Variants in CATSPERE observed in about 807,000 individuals in gnomAD.
The protein encoded by CATSPERE is cation channel sperm-associated auxiliary subunit epsilon.
In CATSPERE, 93 loss-of-function variants were observed where a neutral mutation model predicts 114.1. The observed-to-expected ratio is 0.81, with a 90% CI of 0.69 to 0.97. The LOEUF (loss-of-function observed/expected upper bound fraction) is 0.97. Ranked by LOEUF, CATSPERE falls within the 50% of genes least tolerant of loss-of-function variation. The pLI is 0.00. For synonymous variants in CATSPERE, 341 were observed against 384.1 expected (o/e 0.89, Z 1.31); for missense variants, 1,058 against 1,131.6 (o/e 0.93, Z 0.93).
Position 244,572,342 on chromosome 1 carries a change from A to C in CATSPERE, c.1520A>C (p.Asp507Ala), listed in dbSNP as rs1188991262. The C allele has an allele frequency of 3.5e-6, 5 of 1,415,794 alleles. No homozygotes were observed. Among genetic ancestry groups the C allele is most frequent in the Non-Finnish European group, 4.9e-6 (5 of 1,020,810 alleles). The allele number at this position is 1,415,794 out of a possible 1,614,324, so 87.7% of individuals were successfully genotyped here. A position where few individuals can be genotyped will look rare whatever the true frequency, so the allele number is the denominator to read the frequency against. Reference sequence around the variant, plus strand: ...CTCTTTTTTCCAGATTATTATGGAGATATTTTGGTAAAAATGGAAAATAAT... The same window carrying C: ...CTCTTTTTTCCAGATTATTATGGAGCTATTTTGGTAAAAATGGAAAATAAT... ...IHEVFIDYYGDILVKMENNVI... is the reference protein window; with the variant it reads ...IHEVFIDYYGAILVKMENNVI... Residue 507 changes from aspartate to alanine, a missense_variant, in exon 11 of 22, where the codon GAT (aspartate) becomes GCT (alanine). This residue lies in a region of CATSPERE where 787 missense variants were observed against 905.6 expected (regional missense o/e 0.87). Coordinates refer to ENST00000366534, the MANE Select transcript of CATSPERE (RefSeq NM_001130957.2).
intron 15 of CATSPERE, among the ~76,000 whole-genome samples, chr1:244,593,071 A>G (rs142242989): frequency 6.6e-6 from 1 of 152,348 alleles, no homozygotes; most frequent in East Asian, 1.9e-4. Flanking sequence ...TCTGGGAAGA[A>G]CTGTACTGGA....
intron 17 of CATSPERE, among the ~76,000 whole-genome samples, chr1:244,603,396 G>T (rs559385182): frequency 1.3e-5 from 2 of 152,278 alleles, no homozygotes; most frequent in South Asian, 4.1e-4. Flanking sequence ...GTTACAAATT[G>T]CAAGGAAGAG....
intron 7 of CATSPERE, among the ~76,000 whole-genome samples, chr1:244,500,833 G>A (rs1558382190): frequency 6.6e-6 from 1 of 152,116 alleles, no homozygotes; most frequent in Non-Finnish European, 1.5e-5. Flanking sequence ...TTCAGGCTCT[G>A]TTTTGGTTCC....
At position 244,490,470 on chromosome 1, in the gene CATSPERE, AG is replaced by A. The variant is rs544313360; in HGVS notation, c.351+1del. 2.2e-4 allele frequency: 333 copies of A among 1,523,782 alleles called. No individual in the cohort carries two copies. Among genetic ancestry groups the A allele is most frequent in the Non-Finnish European group, 2.8e-4 (313 of 1,102,814 alleles). The allele number at this position is 1,523,782 out of a possible 1,614,324, so 94.4% of individuals were successfully genotyped here. A position where few individuals can be genotyped will look rare whatever the true frequency, so the allele number is the denominator to read the frequency against. ...RVRHFFNNFT[Q>X]LITVWAYDPE... ...AGACATTTCTTTAACAACTTTACCC[AG>A]GTAAAATATTTTTTAAATTTTGTAT... On this transcript the variant is annotated frameshift_variant and splice_region_variant, in exon 6 of 22. Coordinates refer to ENST00000366534, the MANE Select transcript of CATSPERE (RefSeq NM_001130957.2). LOFTEE classifies it high-confidence loss of function.
chr1:244,538,186 A>T (rs1680660767), intron 8 of CATSPERE, among the ~76,000 whole-genome samples: 1 of 152,214 alleles, frequency 6.6e-6, no homozygotes, highest in Admixed American at 6.5e-5. Context: ...TTCAAAAGAA[A>T]AAAAGTTACA....
chr1:244,588,156 T>C (rs983825772), intron 13 of CATSPERE, among the ~76,000 whole-genome samples: 1 of 141,080 alleles, frequency 7.1e-6, no homozygotes, highest in Admixed American at 7.7e-5. Context: ...ATCGCACCAC[T>C]GCACTCCAGC....
chr1:244,573,009 T>C lies in CATSPERE; in HGVS notation c.1950+237T>C, dbSNP rs1387238754. The stretch of plus-strand genomic sequence containing the variant: ...CATTCCTTCAAAACTCATTGTCAAT[T>C]GTATTGTTCACTTCTTCTTCTTTTT... On this transcript the variant is annotated intron_variant, in intron 11 of 21. Transcript: ENST00000366534. The surrounding 1 kb of genome is among the most constrained non-coding windows in gnomAD (Gnocchi z 4.0). Among the ~76,000 whole-genome samples, 1 of 152,078 alleles carries C rather than the reference T, an allele frequency of 6.6e-6. No homozygotes were observed. The highest frequency in any genetic ancestry group is 1.5e-5 in the Non-Finnish European group (1 of 68,008).
At position 244,633,483 on chromosome 1, in the gene CATSPERE, C is replaced by G. The variant is rs1674224025; in HGVS notation, c.2649-2006C>G. On this transcript the variant is annotated intron_variant, in intron 20 of 21. Transcript: ENST00000366534. The surrounding 1 kb of genome is among the most constrained non-coding windows in gnomAD (Gnocchi z 4.1). ...TCCATATGGCCCACTTACATCTAATCTATTCCAAATCACTTTACAAACTGC... is the reference window on the plus strand; with the variant it reads ...TCCATATGGCCCACTTACATCTAATGTATTCCAAATCACTTTACAAACTGC... Among the ~76,000 whole-genome samples, 1 of 152,200 alleles carries G rather than the reference C, an allele frequency of 6.6e-6. No homozygotes were observed. The highest frequency in any genetic ancestry group is 1.5e-5 in the Non-Finnish European group (1 of 68,048).
At chr1:244,596,370 G>A (rs929762319) in intron 17 of CATSPERE, among the ~76,000 whole-genome samples, 6 of 152,250 alleles carry the variant, frequency 3.9e-5, no homozygotes, top group African/African-American at 1.2e-4. Flanking sequence ...GCCCTGCTCC[G>A]TCTACAGAGC....
rs1350684697 is a variant in CATSPERE, at chr1:244,568,415, G to A, written c.1508-3915G>A. Among the ~76,000 whole-genome samples the A allele has an allele frequency of 1.3e-5, 2 of 152,236 alleles. No individual in the cohort carries two copies. Among genetic ancestry groups the A allele is most frequent in the Admixed American group, 6.5e-5 (1 of 15,288 alleles). ...TTCTTCAGAGCTGGCTCACAGGAAC[G>A]TTTAAGTCTGCTGAAGCTGCGCCCA... On this transcript the variant is annotated intron_variant, in intron 10 of 21. Transcript: ENST00000366534. This position sits in a 1 kb window ranked among gnomAD's most constrained non-coding sequence, Gnocchi z 4.4.
At chr1:244,516,703 G>A (rs781032898) in intron 7 of CATSPERE, among the ~76,000 whole-genome samples, 25 of 151,146 alleles carry the variant, frequency 1.7e-4, no homozygotes, top group Non-Finnish European at 4.4e-5. Flanking sequence ...TGTATTTTTA[G>A]TAGAGACAGA....
chr1:244,488,508 A>G (rs1671433904), intron 5 of CATSPERE, among the ~76,000 whole-genome samples: 1 of 152,232 alleles, frequency 6.6e-6, no homozygotes, highest in African/African-American at 2.4e-5. Context: ...AAAACTGATA[A>G]AGACCCAGAA....
intron 7 of CATSPERE, among the ~76,000 whole-genome samples, chr1:244,510,868 A>T (rs1675633218): frequency 1.3e-5 from 1 of 76,058 alleles, no homozygotes; most frequent in Non-Finnish European, 2.6e-5. Flanking sequence ...TTTGAGACAG[A>T]ATTTCGTTCT....
chr1:244,570,902 A>G (rs559189656), intron 10 of CATSPERE, among the ~76,000 whole-genome samples: 1 of 152,334 alleles, frequency 6.6e-6, no homozygotes, highest in East Asian at 1.9e-4. Context: ...AGAACATGGC[A>G]AGTTTGGGGA....
chr1:244,457,396 A>C (rs1013168002), upstream of CATSPERE: 8 of 152,244 alleles, frequency 5.3e-5, no homozygotes, highest in African/African-American at 1.9e-4. Context: ...AGCATTAAAG[A>C]TGCACATGAA....
chr1:244,491,008 G>A (rs1032650050), intron 6 of CATSPERE, among the ~76,000 whole-genome samples: 3 of 151,882 alleles, frequency 2.0e-5, no homozygotes, highest in Non-Finnish European at 4.4e-5. Context: ...TATGAAGGGG[G>A]TCCTACTGTC....
intron 17 of CATSPERE, among the ~76,000 whole-genome samples, chr1:244,602,918 G>A (rs1406250294): frequency 6.6e-6 from 1 of 152,170 alleles, no homozygotes; most frequent in Non-Finnish European, 1.5e-5. Flanking sequence ...GGCCACACAT[G>A]GAAACATCAG....
chr1:244,602,888 G>A (rs1669462530), intron 17 of CATSPERE, among the ~76,000 whole-genome samples: 1 of 152,128 alleles, frequency 6.6e-6, no homozygotes, highest in Non-Finnish European at 1.5e-5. Flanking sequence ...TAGAAACTGG[G>A]GGCAAGGCAT....
rs1473646944 is a variant in CATSPERE, at chr1:244,593,509, A to G, written c.2234A>G (p.Tyr745Cys). The change falls in exon 17 of 22, where the codon TAT becomes TGT. Residue 745 changes from tyrosine to cysteine, a missense_variant. Physicochemically the swap from Tyr to Cys is radical, Grantham distance 194. Transcript: ENST00000366534. ...HQPSKNLRVR[Y>C]IWGEYGCPLR... The stretch of plus-strand genomic sequence containing the variant: ...GTTTTCCTTTTCTAGAGAGTAAGGT[A>G]TATTTGGGGAGAATATGGCTGCCCT... 9 of 1,614,054 alleles carry G rather than the reference A, an allele frequency of 5.6e-6. No homozygotes were observed. The highest frequency in any genetic ancestry group is 7.6e-6 in the Non-Finnish European group (9 of 1,179,918).
Sources: allele counts gnomAD v4.1 joint callset (sites outside exome capture counted in the v4.1 genomes callset), GRCh38; gene constraint gnomAD v4.1.1; regional missense constraint gnomAD v4.1.1; non-coding constraint Gnocchi (gnomAD v3.1); transcripts MANE v1.5; gene names NCBI Gene and HGNC (gene_info 2026-07-23, HGNC 2026-07-21).